The following CSMD3 variants were observed in gnomAD, a reference collection of about 807,000 sequenced individuals.
CSMD3 encodes CUB and Sushi multiple domains 3, also known as CUB and sushi domain-containing protein 3.
A neutral mutation model predicts 435.2 loss-of-function variants in CSMD3; 177 were observed. That is an observed-to-expected ratio of 0.41 (90% CI 0.36 to 0.46). The LOEUF (loss-of-function observed/expected upper bound fraction) is 0.46. Among genes scored for constraint, CSMD3 ranks in the 20% least tolerant of loss-of-function variants. CSMD3 has a pLI of 0.34. For missense variants in CSMD3, 4,265 were observed against 4,504.6 expected (o/e 0.95, Z 1.52); for synonymous variants, 1,656 against 1,520.5 (o/e 1.09, Z -2.07).
chr8:112,472,319 T>C (rs551612250), intron 32 of CSMD3, among the ~76,000 whole-genome samples: 1 of 152,292 alleles, frequency 6.6e-6, no homozygotes. Flanking sequence ...ATGAAGGCAC[T>C]TGCAAGGTTA....
chr8:112,444,971 G>T (rs1173720848), intron 32 of CSMD3, among the ~76,000 whole-genome samples: 1 of 152,154 alleles, frequency 6.6e-6, no homozygotes, highest in Non-Finnish European at 1.5e-5. Flanking sequence ...GGCCAATTGT[G>T]GTGACTCATG....
Position 112,224,770 on chromosome 8 carries a change from G to A in CSMD3, c.*1C>T, listed in dbSNP as rs150947415. On this transcript the variant is annotated 3_prime_UTR_variant, in exon 71 of 71. Coordinates refer to ENST00000297405, the MANE Select transcript of CSMD3 (RefSeq NM_198123.2). ...TTCTGAAGAAGGCAAAGGTTGCCTC[G>A]TTATACCATTGTGCAAACCGTGTTC... 64 of 1,613,956 alleles carry A rather than the reference G, an allele frequency of 4.0e-5. No individual in the cohort carries two copies. The East Asian group carries it at 8.0e-4, about 20-fold the overall frequency.
intron 38 of CSMD3, among the ~76,000 whole-genome samples, chr8:112,362,757 C>G (rs1355467522): frequency 6.6e-6 from 1 of 151,912 alleles, no homozygotes; most frequent in Non-Finnish European, 1.5e-5. Context: ...TAGATAATTG[C>G]TCCATAGAAG....
At chr8:112,507,124 GA>G (rs1374300910) in intron 28 of CSMD3, among the ~76,000 whole-genome samples, 8 of 151,830 alleles carry the variant, frequency 5.3e-5, no homozygotes, top group Admixed American at 2.6e-4. Flanking sequence ...CATGTCAAAA[GA>G]AAAGCATTAA....
chr8:113,298,157 A>C (rs1004607377), intron 2 of CSMD3, among the ~76,000 whole-genome samples: 8 of 152,094 alleles, frequency 5.3e-5, no homozygotes, highest in African/African-American at 1.9e-4. Context: ...TTGGATGTGG[A>C]AGATATGATA....
rs537210417 is a variant in CSMD3 at position 112,300,738 on chromosome 8, A to G, written c.8440+1055T>C. Among the ~76,000 whole-genome samples, 17 of 152,298 alleles carry G rather than the reference A, an allele frequency of 1.1e-4. No homozygotes were observed. The South Asian group carries it at 2.9e-3, about 26-fold the overall frequency. On this transcript the variant is annotated intron_variant, in intron 53 of 70. Coordinates refer to ENST00000297405, the MANE Select transcript of CSMD3 (RefSeq NM_198123.2). ...TAAAGAAATTGTTGCTGGGCTTCCA[A>G]GCATAACTATTAACAAATGTGCCTG...
chr8:113,153,343 T>G (rs1023648690), intron 4 of CSMD3, among the ~76,000 whole-genome samples: 1 of 152,016 alleles, frequency 6.6e-6, no homozygotes, highest in African/African-American at 2.4e-5. Flanking sequence ...TCTCATCTAT[T>G]ATGTGAGAAT....
At chr8:112,384,645 T>C (rs1428752273) in intron 36 of CSMD3, among the ~76,000 whole-genome samples, 1 of 152,226 alleles carries the variant, frequency 6.6e-6, no homozygotes, top group Admixed American at 6.5e-5. Flanking sequence ...AAAAATTTAT[T>C]ATCTGCAAAA....
chr8:112,494,477 CTTTTG>C (rs1821049208), intron 30 of CSMD3, among the ~76,000 whole-genome samples: 4 of 100,902 alleles, frequency 4.0e-5, no homozygotes, highest in East Asian at 2.4e-4. Context: ...TCTTTCTTTT[CTTTTG>C]TTTCTTTCTC....
In CSMD3 at chr8:112,234,422, T is replaced by C. The variant is rs1313133414; in HGVS notation, c.10683A>G (p.Val3561=). 6.2e-7 allele frequency: 1 copy of C among 1,613,408 alleles called. No homozygotes were observed. The highest frequency in any genetic ancestry group is 1.3e-5 in the African/African-American group (1 of 74,912). ...TTTTCTTCACAGAAGCATGAGCAGG[T>C]ACTTTAATAAGATATATGCGTAACA... ...RLMLRIYLIK[V]PAHASVKKMK... Residue 3561 remains valine (V), a synonymous_variant, in exon 68 of 71, where the codon GTA becomes GTG. Transcript: ENST00000297405.
At chr8:112,730,570 T>A (rs985085643) in intron 13 of CSMD3, among the ~76,000 whole-genome samples, 1 of 152,102 alleles carries the variant, frequency 6.6e-6, no homozygotes, top group African/African-American at 2.4e-5. Flanking sequence ...GCTTAAAAAA[T>A]CTTCCTAGCA....
rs1223421382 is a variant in CSMD3 at position 112,486,422 on chromosome 8, AT to A, written c.5278+6066del. Among the ~76,000 whole-genome samples, 135 of 152,208 alleles carry A rather than the reference AT, an allele frequency of 8.9e-4. 1 individual carries two copies. Among genetic ancestry groups the A allele is most frequent in the Non-Finnish European group, 4.3e-4 (29 of 67,970 alleles). ...GTGTCTTGGTTTCCTCATCTATAAAATGAGAATATTAATAGTCTCTACTTCA... is the reference window on the plus strand; with the variant it reads ...GTGTCTTGGTTTCCTCATCTATAAAAGAGAATATTAATAGTCTCTACTTCA... On this transcript the variant is annotated intron_variant, in intron 31 of 70. Transcript: ENST00000297405.
intron 22 of CSMD3, among the ~76,000 whole-genome samples, chr8:112,626,562 G>C (rs1485232591): frequency 6.6e-6 from 1 of 151,970 alleles, no homozygotes. Context: ...AATGGAATTA[G>C]AACAAATTTT....
At chr8:112,697,749 T>C (rs1355630151) in intron 13 of CSMD3, among the ~76,000 whole-genome samples, 1 of 151,814 alleles carries the variant, frequency 6.6e-6, no homozygotes, top group Non-Finnish European at 1.5e-5. Context: ...AATAAGGTAC[T>C]AAGGATATAA....
intron 3 of CSMD3, among the ~76,000 whole-genome samples, chr8:113,251,867 A>G (rs562684630): frequency 1.1e-4 from 16 of 152,072 alleles, no homozygotes; most frequent in Non-Finnish European, 1.3e-4. Context: ...CAAAAATTAA[A>G]AAGTAAATTG....
chr8:112,515,676 G>T (rs1823595525), intron 28 of CSMD3, among the ~76,000 whole-genome samples: 1 of 151,934 alleles, frequency 6.6e-6, no homozygotes, highest in South Asian at 2.1e-4. Flanking sequence ...ATTATTTCAT[G>T]CTTTATAAAA....
chr8:112,298,378 T>A (rs1415812096), intron 53 of CSMD3, among the ~76,000 whole-genome samples: 1 of 152,116 alleles, frequency 6.6e-6, no homozygotes, highest in Non-Finnish European at 1.5e-5. Context: ...AAAAAGCTCC[T>A]CAATGCTACT....
chr8:113,140,157 G>T (rs896265876), intron 4 of CSMD3, among the ~76,000 whole-genome samples: 19 of 150,638 alleles, frequency 1.3e-4, no homozygotes, highest in African/African-American at 4.4e-4. Flanking sequence ...CGCAGAAACG[G>T]ACATTATATA....
chr8:112,921,765 A>C lies in CSMD3; in HGVS notation c.1509-14T>G. ...GTTGATCCAAGGCTAAAGTTAAATA[A>C]AAGAGAAAAAATATGATAAGAAAGA... On this transcript the variant is annotated splice_polypyrimidine_tract_variant and intron_variant, in intron 9 of 70. Coordinates refer to ENST00000297405, the MANE Select transcript of CSMD3 (RefSeq NM_198123.2). 1 of 1,592,812 alleles carries C rather than the reference A, an allele frequency of 6.3e-7. No homozygotes were observed. Among genetic ancestry groups the C allele is most frequent in the Non-Finnish European group, 8.6e-7 (1 of 1,161,218 alleles).
Sources: gnomAD v4.1 joint callset for allele counts (sites outside exome capture counted in the v4.1 genomes callset) on GRCh38, gnomAD v4.1.1 for gene constraint, MANE v1.5 for transcripts, NCBI Gene and HGNC (gene_info 2026-07-23, HGNC 2026-07-21) for gene names.